LRRIQ3: variants seen among roughly 807,000 people sequenced by gnomAD.
LRRIQ3 encodes the protein leucine-rich repeat and IQ domain-containing protein 3.
Under a neutral mutation model 59.3 loss-of-function variants are expected in LRRIQ3, and 75 were observed. The observed-to-expected ratio is 1.26, with a 90% CI of 1.05 to 1.53. LRRIQ3 has a LOEUF of 1.53. LRRIQ3 is among the 40% of genes most tolerant of loss of function. LRRIQ3 has a pLI of 0.00. For synonymous variants in LRRIQ3, 250 were observed against 231.3 expected (o/e 1.08, Z -0.73); for missense variants, 831 against 710.0 (o/e 1.17, Z -1.94).
intron 6 of LRRIQ3, among the ~76,000 whole-genome samples, chr1:74,073,809 A>G (rs1490333618): frequency 1.2e-4 from 18 of 152,116 alleles, no homozygotes; most frequent in Admixed American, 1.2e-3. Context: ...GAAGCCCTTG[A>G]GAAAAATAAG....
At chr1:74,055,181 TA>T (rs1654491942) in intron 6 of LRRIQ3, among the ~76,000 whole-genome samples, 1 of 506 alleles carries the variant, frequency 2.0e-3, no homozygotes, top group African/African-American at 4.7e-3. Flanking sequence ...ATATACACTT[TA>T]TATATATATA....
chr1:74,045,893 C>A (rs1309282671), intron 6 of LRRIQ3, among the ~76,000 whole-genome samples: 1 of 152,062 alleles, frequency 6.6e-6, no homozygotes, highest in African/African-American at 2.4e-5. Context: ...AGGAGTACAG[C>A]TAACAAGGGA....
At chr1:74,143,051 T>C (rs957049104) in intron 4 of LRRIQ3, among the ~76,000 whole-genome samples, 8 of 152,066 alleles carry the variant, frequency 5.3e-5, no homozygotes, top group Admixed American at 3.9e-4. Flanking sequence ...AAGACTAATA[T>C]AAACATCTAT....
At chr1:74,089,690 G>T (rs78480249) in intron 5 of LRRIQ3, among the ~76,000 whole-genome samples, 5,096 of 152,072 alleles carry the variant, frequency 0.034, 307 homozygotes, top group African/African-American at 0.12. Context: ...GCTGTAGAGA[G>T]AATTTCTAAT....
intron 3 of LRRIQ3, among the ~76,000 whole-genome samples, chr1:74,175,297 A>G (rs548652098): frequency 1.3e-5 from 2 of 152,280 alleles, no homozygotes; most frequent in South Asian, 4.1e-4. Context: ...GGCTACTGCC[A>G]ATATCTGTTT....
intron 4 of LRRIQ3, among the ~76,000 whole-genome samples, chr1:74,134,719 T>A (rs72670731): frequency 0.3 from 46,090 of 151,352 alleles, 7,758 homozygotes; most frequent in Middle Eastern, 0.45. Flanking sequence ...CATACTGTAG[T>A]ACATAGAGCA....
chr1:74,183,657 G>A lies in LRRIQ3; in HGVS notation c.28C>T (p.Leu10=), dbSNP rs903770170. 2 of 1,602,584 alleles carry A rather than the reference G, an allele frequency of 1.2e-6. No individual in the cohort carries two copies. Among genetic ancestry groups the A allele is most frequent in the East Asian group, 2.3e-5 (1 of 44,324 alleles). ...TGACTCCATTCTTCATGACTGGTTA[G>A]CTCTTCTGTGACTGTTCCATGAAAC... MFHGTVTEE[L]TSHEEWSHYN... The change falls in exon 2 of 8, where the codon CTA becomes TTA. Residue 10 remains leucine, a synonymous_variant. Transcript: ENST00000354431.
At chr1:74,145,091 G>T (rs532609782) in intron 4 of LRRIQ3, among the ~76,000 whole-genome samples, 10 of 152,012 alleles carry the variant, frequency 6.6e-5, no homozygotes, top group African/African-American at 2.2e-4. Flanking sequence ...TTCCATTTTG[G>T]GTACCTCTAC....
At chr1:74,029,544 A>G (rs1213470939) in intron 7 of LRRIQ3, among the ~76,000 whole-genome samples, 2 of 152,102 alleles carry the variant, frequency 1.3e-5, no homozygotes, top group Non-Finnish European at 2.9e-5. Context: ...CCCAGGGATG[A>G]AGCCCACTTG....
chr1:74,157,296 C>A (rs1043258063), intron 3 of LRRIQ3, among the ~76,000 whole-genome samples: 1 of 152,036 alleles, frequency 6.6e-6, no homozygotes, highest in African/African-American at 2.4e-5. Flanking sequence ...ATATTCCTAT[C>A]TATACTGAGT....
chr1:74,038,133 G>A (rs1297375551), intron 7 of LRRIQ3, among the ~76,000 whole-genome samples: 1 of 152,172 alleles, frequency 6.6e-6, no homozygotes, highest in Non-Finnish European at 1.5e-5. Flanking sequence ...TGGAGCCAGG[G>A]AGTCTGGATA....
At chr1:74,055,316 G>A (rs1224909015) in intron 6 of LRRIQ3, among the ~76,000 whole-genome samples, 3 of 151,380 alleles carry the variant, frequency 2.0e-5, no homozygotes, top group South Asian at 2.1e-4. Context: ...TTTCATCACC[G>A]TAGAAAGAAA....
At chr1:74,035,300 T>C (rs997394628) in intron 7 of LRRIQ3, among the ~76,000 whole-genome samples, 3 of 152,100 alleles carry the variant, frequency 2.0e-5, no homozygotes, top group African/African-American at 7.2e-5. Flanking sequence ...GACATAGACA[T>C]AGATATAATA....
chr1:74,173,154 G>C (rs1206636544), intron 3 of LRRIQ3, among the ~76,000 whole-genome samples: 1 of 151,876 alleles, frequency 6.6e-6, no homozygotes. Flanking sequence ...AAAATCAGCT[G>C]GGCGTGGTAG....
intron 6 of LRRIQ3, among the ~76,000 whole-genome samples, chr1:74,048,551 A>ATTCT (rs1654271178): frequency 6.6e-6 from 1 of 152,152 alleles, no homozygotes; most frequent in Admixed American, 6.6e-5. Context: ...TTCATTCACC[A>ATTCT]ATTAATTCAT....
chr1:74,115,076 CAT>C (rs1646760329), intron 4 of LRRIQ3, among the ~76,000 whole-genome samples: 1 of 151,872 alleles, frequency 6.6e-6, no homozygotes, highest in South Asian at 2.1e-4. Context: ...AAAGTAAACT[CAT>C]AGAATTGAAG....
intron 3 of LRRIQ3, among the ~76,000 whole-genome samples, chr1:74,170,619 G>T (rs117079797): frequency 5.9e-5 from 9 of 151,982 alleles, no homozygotes; most frequent in East Asian, 1.9e-4. Flanking sequence ...GCTTTATTTG[G>T]TTTTTGTGTT....
chr1:74,040,356 C>T (rs1654007802), intron 7 of LRRIQ3, among the ~76,000 whole-genome samples: 1 of 151,954 alleles, frequency 6.6e-6, no homozygotes, highest in Admixed American at 6.6e-5. Flanking sequence ...ACTTTAATAC[C>T]CCACTGTCAA....
intron 4 of LRRIQ3, among the ~76,000 whole-genome samples, chr1:74,143,810 T>TTAGA (rs1399092705): frequency 6.6e-6 from 1 of 151,608 alleles, no homozygotes; most frequent in Non-Finnish European, 1.5e-5. Flanking sequence ...TCTTGGCATA[T>TTAGA]TAGATGTATT....
Sources: gnomAD v4.1 joint callset for allele counts (sites outside exome capture counted in the v4.1 genomes callset) on GRCh38, gnomAD v4.1.1 for gene constraint, MANE v1.5 for transcripts, NCBI Gene and HGNC (gene_info 2026-07-23, HGNC 2026-07-21) for gene names.